NUP210: variants seen among roughly 807,000 people sequenced by gnomAD.
The protein encoded by NUP210 is nucleoporin 210.
In NUP210, 151 loss-of-function variants were observed where a neutral mutation model predicts 196.0. The ratio of observed to expected loss-of-function variants is 0.77; its 90% confidence interval spans 0.67 to 0.88. The LOEUF is 0.88. NUP210 is among the 40% of genes least tolerant of loss of function. The pLI is 0.00. For missense variants in NUP210, 2,314 were observed against 2,493.7 expected (o/e 0.93, Z 1.53); for synonymous variants, 1,070 against 1,052.7 (o/e 1.02, Z -0.32).
At chr3:13,335,649 C>G (rs376043868) in intron 27 of NUP210, 37 bp from the exon 28 acceptor site, 3 of 1,606,310 alleles carry the variant, frequency 1.9e-6, no homozygotes, top group Non-Finnish European at 2.6e-6. Context: ...GGGGTAAGGC[C>G]CAGGCCCCTG....
intron 32 of NUP210, 69 bp from the exon 33 acceptor site, chr3:13,326,000 T>G (rs1466359373): frequency 6.3e-7 from 1 of 1,578,890 alleles, no homozygotes; most frequent in African/African-American, 1.3e-5. Flanking sequence ...CCAGCTCACC[T>G]GGATGACAGG....
intron 13 of NUP210, among the ~76,000 whole-genome samples, chr3:13,370,036 T>C (rs951210840): frequency 3.5e-4 from 53 of 152,204 alleles, no homozygotes; most frequent in Non-Finnish European, 2.1e-4. Context: ...TTTGTTTCTT[T>C]AGCTGAGTAA....
rs372015943 is a variant in NUP210 at position 13,327,175 on chromosome 3, G to T, written c.4507+42C>A. The T allele has an allele frequency of 4.5e-6, 7 of 1,545,884 alleles. No homozygotes were observed. In the South Asian group the frequency reaches 7.0e-5, roughly 16 times the overall value. On this transcript the variant is annotated intron_variant, in intron 32 of 39. Transcript: ENST00000254508. ...GTAGCCCCCACCCAGCTTTGCAAGCGTCCGTGACTCCACAGGTTCCCTTGC... is the reference window on the plus strand; with the variant it reads ...GTAGCCCCCACCCAGCTTTGCAAGCTTCCGTGACTCCACAGGTTCCCTTGC...
rs763701674 is a variant in NUP210, at chr3:13,379,597, C to T, written c.942G>A (p.Gln314=). The T allele has an allele frequency of 1.9e-6, 3 of 1,614,178 alleles. No homozygotes were observed. The part of the protein sequence containing the change: ...AQDTSMVTAL[Q]LGQSSLVLGH... The stretch of plus-strand genomic sequence containing the variant: ...CAAGGACGAGGCTGCTCTGTCCCAG[C>T]TGCAGTGCAGTGACCATCGACGTGT... Residue 314 remains glutamine, a synonymous_variant, in exon 7 of 40, where the codon CAG becomes CAA. Coordinates refer to ENST00000254508, the MANE Select transcript of NUP210 (RefSeq NM_024923.4). The surrounding 1 kb of genome is among the most constrained non-coding windows in gnomAD (Gnocchi z 4.2).
At position 13,399,198 on chromosome 3, in the gene NUP210, G is replaced by C. The variant is rs1182352625; in HGVS notation, c.304+527C>G. ...GGAGAATCACTTGAACCCAGGAGGC[G>C]GAGGTTGCAGTGAGCCAAGATCGCG... On this transcript the variant is annotated intron_variant, in intron 2 of 39. Coordinates refer to ENST00000254508, the MANE Select transcript of NUP210 (RefSeq NM_024923.4). 3.3e-5 allele frequency among the ~76,000 whole-genome samples: 5 copies of C among 150,116 alleles called. No homozygotes were observed. In the East Asian group the frequency reaches 9.8e-4, roughly 29 times the overall value.
At chr3:13,358,477 C>A in intron 15 of NUP210, 82 bp from the exon 16 acceptor site, 1 of 1,369,606 alleles carries the variant, frequency 7.3e-7, no homozygotes, top group Non-Finnish European at 9.9e-7. Flanking sequence ...CACCCCAGCT[C>A]CCTCTGACTC....
In NUP210 at chr3:13,412,282, G is replaced by A. The variant is rs149528034; in HGVS notation, c.167+7778C>T. ...AGGGTTTCGCTATGTTGCCCAGGCT[G>A]GTCTTAAACTCCTGAGCTTAAGCGA... is the stretch of plus-strand genomic sequence containing the variant. On this transcript the variant is annotated intron_variant, in intron 1 of 39. Coordinates refer to ENST00000254508, the MANE Select transcript of NUP210 (RefSeq NM_024923.4). Among the ~76,000 whole-genome samples the A allele has an allele frequency of 3.8e-3, 527 of 137,652 alleles. 3 individuals carry two copies. The highest frequency in any genetic ancestry group is 5.5e-3 in the Non-Finnish European group (364 of 65,912). The allele number at this position is 137,652 out of a possible 152,430, so 90.3% of individuals were successfully genotyped here. A position where few individuals can be genotyped will look rare whatever the true frequency, so the allele number is the denominator to read the frequency against.
intron 32 of NUP210, among the ~76,000 whole-genome samples, chr3:13,326,708 G>T (rs894280736): frequency 6.6e-6 from 1 of 152,182 alleles, no homozygotes; most frequent in Non-Finnish European, 1.5e-5. Context: ...CCACTATGGC[G>T]GCCACTTCCC....
chr3:13,330,576 C>T lies in NUP210; in HGVS notation c.3994G>A (p.Val1332Met). 1 of 1,614,228 alleles carries T rather than the reference C, an allele frequency of 6.2e-7. No individual in the cohort carries two copies. Among genetic ancestry groups the T allele is most frequent in the Non-Finnish European group, 8.5e-7 (1 of 1,180,040 alleles). Residue 1332 changes from valine to methionine, a missense_variant, in exon 30 of 40, where the codon GTG becomes ATG. By Grantham distance (21) the Val-to-Met change is conservative (BLOSUM62 1). Coordinates refer to ENST00000254508, the MANE Select transcript of NUP210 (RefSeq NM_024923.4). ...VLDGPEKVPV[V>M]HVDEKGFLAS... ...AGAAAGCCTTTCTCATCAACATGCA[C>T]AACTGGAACCTTTTCGGGTCCATCC...
intron 28 of NUP210, among the ~76,000 whole-genome samples, chr3:13,332,855 A>C (rs1159463689): frequency 6.6e-6 from 1 of 152,206 alleles, no homozygotes; most frequent in Admixed American, 6.5e-5. Context: ...CCAGTGAGGA[A>C]GAACTTTACC....
intron 27 of NUP210, 41 bp from the exon 28 acceptor site, chr3:13,335,653 G>A: frequency 6.2e-7 from 1 of 1,601,980 alleles, no homozygotes; most frequent in Non-Finnish European, 8.5e-7. Context: ...TAAGGCCCAG[G>A]CCCCTGTGTC....
chr3:13,397,285 G>C, intron 3 of NUP210, 72 bp downstream of exon 3: 1 of 1,532,746 alleles, frequency 6.5e-7, no homozygotes, highest in Admixed American at 2.1e-5. Flanking sequence ...GGAATGCAGA[G>C]AGGCCAGAGT....
At position 13,325,868 on chromosome 3, in the gene NUP210, A is replaced by C. The variant is rs1367606738; in HGVS notation, c.4571T>G (p.Val1524Gly). Residue 1524 changes from valine to glycine, a missense_variant, in exon 33 of 40, where the codon GTG (valine) becomes GGG (glycine). By Grantham distance (109) the Val-to-Gly change is moderately radical. Coordinates refer to ENST00000254508, the MANE Select transcript of NUP210 (RefSeq NM_024923.4). Reference protein sequence around the residue: ...SILHIDPKTGVAVARAVGSVT... With the variant: ...SILHIDPKTGGAVARAVGSVT... The stretch of plus-strand genomic sequence containing the variant: ...GGATCCCACGGCCCGGGCCACAGCC[A>C]CACCCGTCTTGGGGTCGATGTGGAG... 1 of 1,613,998 alleles carries C rather than the reference A, an allele frequency of 6.2e-7. No homozygotes were observed. Among genetic ancestry groups the C allele is most frequent in the Non-Finnish European group, 8.5e-7 (1 of 1,180,010 alleles).
rs1697829915 is a variant in NUP210 at position 13,348,299 on chromosome 3, C to T, written c.2835+3580G>A. ...GCCTCCAGAGACAGGGAGCTCACTA[C>T]CTACAGCGGCAGCCTAGTCCATCAC... On this transcript the variant is annotated intron_variant, in intron 20 of 39. Coordinates refer to ENST00000254508, the MANE Select transcript of NUP210 (RefSeq NM_024923.4). This position sits in a 1 kb window ranked among gnomAD's most constrained non-coding sequence, Gnocchi z 4.0. 2.4e-6 allele frequency: 2 copies of T among 816,934 alleles called. No homozygotes were observed. The highest frequency in any genetic ancestry group is 6.2e-5 in the Admixed American group (1 of 16,068). 50.6% of individuals were successfully genotyped at this position (816,934 alleles called of 1,614,324 possible).
At position 13,337,868 on chromosome 3, in the gene NUP210, G is replaced by C. The variant is rs1697283610; in HGVS notation, c.3521C>G (p.Ala1174Gly). ...GCCCGTCCTCATCCGCATGATGGGG[G>C]CGCGGATCCTCACGGCCCTTAGCAG... ...VLLLRAVRIR[A>G]PIMRMRTGTQ... The change falls in exon 26 of 40, where the codon GCC becomes GGC. Residue 1174 changes from alanine to glycine, a missense_variant. By Grantham distance (60) the Ala-to-Gly change is moderately conservative. Coordinates refer to ENST00000254508, the MANE Select transcript of NUP210 (RefSeq NM_024923.4). 1.9e-6 allele frequency: 3 copies of C among 1,612,608 alleles called. No homozygotes were observed. In the East Asian group the frequency reaches 6.7e-5, roughly 36 times the overall value.
Position 13,342,074 on chromosome 3 carries a change from T to C in NUP210, c.3014A>G (p.His1005Arg). 6.2e-7 allele frequency: 1 copy of C among 1,614,204 alleles called. No individual in the cohort carries two copies. Among genetic ancestry groups the C allele is most frequent in the Non-Finnish European group, 8.5e-7 (1 of 1,180,026 alleles). ...VKAYVRVLDL[H>R]KKPFLAKYFP... is the part of the protein sequence containing the mutation. Reference sequence around the variant, plus strand: ...GTATTTGGCAAGGAAGGGCTTCTTGTGCAAGTCCAGCACGCGGACGTATGC... The same window carrying C: ...GTATTTGGCAAGGAAGGGCTTCTTGCGCAAGTCCAGCACGCGGACGTATGC... The change falls in exon 22 of 40, where the codon CAC becomes CGC. Residue 1005 changes from histidine (H) to arginine (R), a missense_variant. Coordinates refer to ENST00000254508, the MANE Select transcript of NUP210 (RefSeq NM_024923.4).
chr3:13,355,289 C>T (rs979118720), intron 16 of NUP210, among the ~76,000 whole-genome samples: 5 of 152,204 alleles, frequency 3.3e-5, no homozygotes, highest in African/African-American at 1.2e-4. Context: ...TTAGAAGTGA[C>T]TGAGGCACTT....
chr3:13,340,287 C>G lies in NUP210; in HGVS notation c.3240G>C (p.Pro1080=), dbSNP rs771819748. ...SAPQQIEVFP[P]FRLMPRKVTL... ...TCACCTTCCTGGGCATCAGCCTGAACGGGGGAAAGACCTGTTGAGAGACAC... is the reference window on the plus strand; with the variant it reads ...TCACCTTCCTGGGCATCAGCCTGAAGGGGGGAAAGACCTGTTGAGAGACAC... Residue 1080 remains proline, a synonymous_variant, in exon 24 of 40, where the codon CCG becomes CCC. Coordinates refer to ENST00000254508, the MANE Select transcript of NUP210 (RefSeq NM_024923.4). The surrounding 1 kb of genome is among the most constrained non-coding windows in gnomAD (Gnocchi z 4.0). The G allele has an allele frequency of 1.2e-6, 2 of 1,613,380 alleles. No individual in the cohort carries two copies. Among genetic ancestry groups the G allele is most frequent in the South Asian group, 1.1e-5 (1 of 91,084 alleles).
intron 11 of NUP210, 49 bp from the exon 12 acceptor site, chr3:13,373,922 T>G: frequency 6.2e-7 from 1 of 1,600,108 alleles, no homozygotes; most frequent in Non-Finnish European, 8.5e-7. Context: ...CTTAGCCTGC[T>G]GGGGAAGTCA....
Sources: allele counts gnomAD v4.1 joint callset (sites outside exome capture counted in the v4.1 genomes callset), GRCh38; gene constraint gnomAD v4.1.1; non-coding constraint Gnocchi (gnomAD v3.1); transcripts MANE v1.5; gene names NCBI Gene and HGNC (gene_info 2026-07-23, HGNC 2026-07-21).